Variants in FCER1A observed in about 807,000 individuals in gnomAD.
The protein encoded by FCER1A is high affinity immunoglobulin epsilon receptor subunit alpha.
In FCER1A, 24 loss-of-function variants were observed where a neutral mutation model predicts 23.6. The observed-to-expected ratio is 1.02, with a 90% CI of 0.74 to 1.43. FCER1A has a LOEUF of 1.43. Among genes scored for constraint, FCER1A ranks in the 40% most tolerant of loss-of-function variants. FCER1A has a pLI of 0.00. For synonymous variants in FCER1A, 121 were observed against 108.8 expected (o/e 1.11, Z -0.70); for missense variants, 318 against 294.5 (o/e 1.08, Z -0.58).
At chr1:159,306,537 A>G (rs1029407038) in intron 4 of FCER1A, among the ~76,000 whole-genome samples, 5 of 147,832 alleles carry the variant, frequency 3.4e-5, no homozygotes, top group Non-Finnish European at 7.4e-5. Flanking sequence ...CCCAAGCATA[A>G]CAGATTGTGA....
upstream of FCER1A, among the ~76,000 whole-genome samples, chr1:159,286,912 C>G (rs1334196186): frequency 6.6e-6 from 1 of 152,048 alleles, no homozygotes; most frequent in Non-Finnish European, 1.5e-5. Flanking sequence ...ATGTCAGGAA[C>G]ATATTATAGG....
intron 1 of FCER1A, among the ~76,000 whole-genome samples, chr1:159,294,181 A>G (rs1243285116): frequency 6.6e-6 from 1 of 152,204 alleles, no homozygotes; most frequent in Non-Finnish European, 1.5e-5. Flanking sequence ...GGGATCTAGA[A>G]CTAGAAATAC....
upstream of FCER1A, among the ~76,000 whole-genome samples, chr1:159,301,797 GA>G (rs1652437216): frequency 6.6e-6 from 1 of 152,198 alleles, no homozygotes; most frequent in East Asian, 1.9e-4. Flanking sequence ...TTAGGGGTTA[GA>G]TTTTATGTGT....
intron 1 of FCER1A, among the ~76,000 whole-genome samples, chr1:159,295,813 A>T (rs1652282037): frequency 1.3e-5 from 2 of 152,190 alleles, no homozygotes; most frequent in South Asian, 4.1e-4. Context: ...ATTTGATAGC[A>T]TGCATTTATT....
chr1:159,303,998 T>TA lies in FCER1A; in HGVS notation c.148dup (p.Thr50AsnfsTer3). The TA allele has an allele frequency of 6.2e-7, 1 of 1,613,504 alleles. No homozygotes were observed. Among genetic ancestry groups the TA allele is most frequent in the Middle Eastern group, 1.6e-4 (1 of 6,062 alleles). ...TATTTAAAGGAGAGAATGTGACTCT[T>TA]ACATGTAATGGGAACAATTTCTTTG... On this transcript the variant is annotated frameshift_variant, in exon 3 of 5. Transcript: ENST00000693622. LOFTEE classifies it high-confidence loss of function.
At chr1:159,291,276 C>T (rs962477770) in intron 1 of FCER1A, among the ~76,000 whole-genome samples, 2 of 152,114 alleles carry the variant, frequency 1.3e-5, no homozygotes, top group African/African-American at 4.8e-5. Context: ...CATCTTCTTC[C>T]ACCAACCTTT....
chr1:159,290,499 G>A lies in FCER1A; in HGVS notation c.-60+746G>A, dbSNP rs111470316. Among the ~76,000 whole-genome samples the A allele has an allele frequency of 3.8e-3, 580 of 152,244 alleles. 5 individuals carry two copies. Among genetic ancestry groups the A allele is most frequent in the African/African-American group, 0.013 (549 of 41,540 alleles). On this transcript the variant is annotated intron_variant, in intron 1 of 5. Transcript: ENST00000368115. The stretch of plus-strand genomic sequence containing the variant: ...GACCACAAACTCTCAACTTATTGGA[G>A]GGAATAATTAAGTTATCCCAAATGT...
Position 159,306,214 on chromosome 1 carries a change from G to A in FCER1A, c.558G>A (p.Glu186=). The part of the protein sequence containing the change: ...CTGKVWQLDY[E]SEPLNITVIK... ...GCAAAGTGTGGCAGCTGGACTATGA[G>A]TCTGAGCCCCTCAACATTACTGTAA... The change falls in exon 4 of 5, where the codon GAG becomes GAA. Residue 186 remains glutamate, a synonymous_variant. Coordinates refer to ENST00000693622, the MANE Select transcript of FCER1A (RefSeq NM_001387280.1). 3 of 1,614,110 alleles carry A rather than the reference G, an allele frequency of 1.9e-6. No individual in the cohort carries two copies. The highest frequency in any genetic ancestry group is 2.5e-6 in the Non-Finnish European group (3 of 1,180,028).
At chr1:159,289,691 A>T (rs576698450), upstream of FCER1A, 11 of 152,252 alleles carry the variant, frequency 7.2e-5, no homozygotes, top group African/African-American at 2.6e-4. Context: ...ATTTAATTTT[A>T]TCTTCTGTTC....
intron 1 of FCER1A, among the ~76,000 whole-genome samples, chr1:159,297,192 T>C (rs1235928261): frequency 1.3e-5 from 2 of 152,176 alleles, no homozygotes; most frequent in African/African-American, 4.8e-5. Flanking sequence ...GTACCACACC[T>C]GAAAATGATC....
At chr1:159,294,283 G>A (rs896136501) in intron 1 of FCER1A, among the ~76,000 whole-genome samples, 7 of 151,986 alleles carry the variant, frequency 4.6e-5, no homozygotes, top group South Asian at 4.2e-4. Context: ...TGTTTATTGC[G>A]GCACTATTCA....
At chr1:159,290,933 TAACAA>T (rs1446461559) in intron 1 of FCER1A, among the ~76,000 whole-genome samples, 2 of 152,192 alleles carry the variant, frequency 1.3e-5, no homozygotes, top group Non-Finnish European at 2.9e-5. Flanking sequence ...GGCAACTGCT[TAACAA>T]ATCAAGAAAT....
At chr1:159,297,828 C>G (rs61828227), upstream of FCER1A, among the ~76,000 whole-genome samples, 2 of 152,050 alleles carry the variant, frequency 1.3e-5, no homozygotes, top group Middle Eastern at 3.4e-3. Context: ...ATCACTTGAG[C>G]CTGGCAGTCC....
chr1:159,297,766 A>T (rs574175684), upstream of FCER1A, among the ~76,000 whole-genome samples: 1 of 151,916 alleles, frequency 6.6e-6, no homozygotes, highest in Admixed American at 6.6e-5. Flanking sequence ...TTAGCTGGGT[A>T]TGGTGGCACA....
upstream of FCER1A, among the ~76,000 whole-genome samples, chr1:159,298,711 T>C (rs1652356508): frequency 6.6e-6 from 1 of 152,200 alleles, no homozygotes; most frequent in Non-Finnish European, 1.5e-5. Context: ...TCCTTTCTTC[T>C]TTTTAGGCAT....
At chr1:159,305,237 A>C (rs1041002027) in intron 3 of FCER1A, among the ~76,000 whole-genome samples, 17 of 152,210 alleles carry the variant, frequency 1.1e-4, no homozygotes, top group African/African-American at 4.1e-4. Flanking sequence ...ATTGGTCCTA[A>C]ATTAATTATG....
upstream of FCER1A, among the ~76,000 whole-genome samples, chr1:159,287,129 A>G (rs1243915235): frequency 6.6e-6 from 1 of 152,198 alleles, no homozygotes; most frequent in Non-Finnish European, 1.5e-5. Context: ...CCATGCTTCC[A>G]ACTACATAGC....
intron 1 of FCER1A, among the ~76,000 whole-genome samples, chr1:159,297,089 CTG>C (rs1223840069): frequency 3.9e-5 from 6 of 152,180 alleles, no homozygotes; most frequent in East Asian, 1.9e-4. Flanking sequence ...CGTTTTGAAA[CTG>C]TGTAATTCTG....
upstream of FCER1A, among the ~76,000 whole-genome samples, chr1:159,300,909 C>A (rs1652413399): frequency 6.6e-6 from 1 of 152,092 alleles, no homozygotes; most frequent in African/African-American, 2.4e-5. Context: ...AAAACACAAA[C>A]AACTTGTACT....
Sources: gnomAD v4.1 joint callset for allele counts (sites outside exome capture counted in the v4.1 genomes callset) on GRCh38, gnomAD v4.1.1 for gene constraint, MANE v1.5 for transcripts, NCBI Gene and HGNC (gene_info 2026-07-23, HGNC 2026-07-21) for gene names.